Variants in TMPRSS9 observed in about 807,000 individuals in gnomAD.
TMPRSS9 encodes transmembrane protease serine 9.
A neutral mutation model predicts 111.4 loss-of-function variants in TMPRSS9; 113 were observed. The ratio of observed to expected loss-of-function variants is 1.01; its 90% CI spans 0.87 to 1.19. TMPRSS9 has a LOEUF of 1.19. Ranked by LOEUF, TMPRSS9 falls within the 50% of genes most tolerant of loss-of-function variation. The pLI is 0.00. For synonymous variants in TMPRSS9, 805 were observed against 659.1 expected (o/e 1.22, Z -3.39); for missense variants, 1,803 against 1,513.1 (o/e 1.19, Z -3.18).
chr19:2,416,545 G>T, exon 12 of TMPRSS9: 1 of 1,607,982 alleles, frequency 6.2e-7, no homozygotes, highest in Non-Finnish European at 8.5e-7. Flanking sequence ...TAGCACGAAG[G>T]TGGAGCAGGT....
At chr19:2,395,811 T>G (rs1172551111) in intron 1 of TMPRSS9, among the ~76,000 whole-genome samples, 3 of 151,990 alleles carry the variant, frequency 2.0e-5, no homozygotes, top group Non-Finnish European at 4.4e-5. Flanking sequence ...ATAGAGACCA[T>G]CCTGGCTAAC....
At chr19:2,396,789 T>C (rs998893307) in intron 2 of TMPRSS9, 123 bp downstream of exon 3, 40 of 1,377,162 alleles carry the variant, frequency 2.9e-5, no homozygotes, top group Middle Eastern at 5.2e-4. Flanking sequence ...GTGGAGGCTG[T>C]GAGACCGGGA....
intron 10 of TMPRSS9, among the ~76,000 whole-genome samples, chr19:2,415,054 C>A (rs978022110): frequency 4.7e-5 from 7 of 150,400 alleles, no homozygotes; most frequent in Non-Finnish European, 1.0e-4. Context: ...AAGTGATTCT[C>A]CTGCCTCAGC....
intron 1 of TMPRSS9, among the ~76,000 whole-genome samples, chr19:2,378,693 G>T (rs1263635170): frequency 6.6e-6 from 1 of 152,182 alleles, no homozygotes; most frequent in African/African-American, 2.4e-5. Flanking sequence ...ACTCCAGCCT[G>T]GGGGACAGAG....
intron 13 of TMPRSS9, among the ~76,000 whole-genome samples, chr19:2,421,521 T>C (rs1355693563): frequency 6.6e-6 from 1 of 151,988 alleles, no homozygotes; most frequent in African/African-American, 2.4e-5. Flanking sequence ...ACTCCTGACT[T>C]CATCATCTGC....
At chr19:2,390,321 C>T (rs1209294418) in intron 1 of TMPRSS9, among the ~76,000 whole-genome samples, 1 of 131,982 alleles carries the variant, frequency 7.6e-6, no homozygotes, top group South Asian at 2.5e-4. Flanking sequence ...CGGCTCACTG[C>T]AAGCTCCACC....
At chr19:2,394,362 G>A (rs937632515) in intron 1 of TMPRSS9, among the ~76,000 whole-genome samples, 3 of 152,024 alleles carry the variant, frequency 2.0e-5, no homozygotes, top group African/African-American at 7.2e-5. Flanking sequence ...ACTGAAGCCC[G>A]AACAATAGAG....
intron 4 of TMPRSS9, among the ~76,000 whole-genome samples, chr19:2,401,269 G>A (rs927636270): frequency 6.6e-5 from 10 of 151,156 alleles, no homozygotes; most frequent in East Asian, 2.0e-4. Flanking sequence ...GGGAGACTCC[G>A]TCTCAAAAAA....
chr19:2,414,214 G>A, intron 10 of TMPRSS9, 196 bp downstream of exon 11: 2 of 553,588 alleles, frequency 3.6e-6, no homozygotes, highest in Non-Finnish European at 6.1e-6. Context: ...CCCATGTCTT[G>A]TTAACTATGG....
chr19:2,404,040 C>T (rs111477791), intron 6 of TMPRSS9, among the ~76,000 whole-genome samples: 8,790 of 149,328 alleles, frequency 0.059, 272 homozygotes, highest in East Asian at 0.093. Context: ...TGGTGGTGGG[C>T]GCCTGTGGCC....
exon 6 of TMPRSS9, chr19:2,403,156 C>G (rs745478797): frequency 6.2e-7 from 1 of 1,612,172 alleles, no homozygotes; most frequent in Non-Finnish European, 8.5e-7. Context: ...GTGTGACGAC[C>G]AGGAGGACTG....
At chr19:2,404,699 G>A (rs145084524) in intron 6 of TMPRSS9, among the ~76,000 whole-genome samples, 331 of 152,244 alleles carry the variant, frequency 2.2e-3, no homozygotes, top group African/African-American at 7.5e-3. Context: ...GGGACGCCGA[G>A]GCAGGCAGAT....
intron 1 of TMPRSS9, among the ~76,000 whole-genome samples, chr19:2,377,293 ATATG>A (rs1005280037): frequency 9.2e-5 from 6 of 65,122 alleles, no homozygotes; most frequent in African/African-American, 2.0e-4. Flanking sequence ...ATGTATGTAT[ATATG>A]TATGTATGTA....
chr19:2,369,064 G>A (rs1353253527), intron 1 of TMPRSS9, among the ~76,000 whole-genome samples: 1 of 150,918 alleles, frequency 6.6e-6, no homozygotes, highest in African/African-American at 2.4e-5. Flanking sequence ...TGATTCTCCT[G>A]CCTCAGCCTC....
chr19:2,406,073 T>C (rs1455736214), intron 7 of TMPRSS9, among the ~76,000 whole-genome samples: 15 of 116,688 alleles, frequency 1.3e-4, no homozygotes, highest in East Asian at 8.4e-4. Context: ...TGCAGTGGCG[T>C]GATCTCGGCT....
intron 10 of TMPRSS9, among the ~76,000 whole-genome samples, chr19:2,414,532 C>T (rs971101090): frequency 5.9e-5 from 9 of 152,044 alleles, no homozygotes; most frequent in African/African-American, 2.2e-4. Context: ...GCCACCATGC[C>T]CGGTCTGGAA....
intron 5 of TMPRSS9, among the ~76,000 whole-genome samples, chr19:2,402,627 A>G (rs1159496078): frequency 6.6e-6 from 1 of 151,802 alleles, no homozygotes; most frequent in Non-Finnish European, 1.5e-5. Context: ...AATCCCAGCT[A>G]CTCAGGAGGC....
At chr19:2,379,638 T>TTTCTTTCC (rs1970368465) in intron 1 of TMPRSS9, among the ~76,000 whole-genome samples, 1 of 147,774 alleles carries the variant, frequency 6.8e-6, no homozygotes, top group Non-Finnish European at 1.5e-5. Flanking sequence ...TCTTTCTTTC[T>TTTCTTTCC]TTCTTTCTTT....
rs1365307901 is a variant in TMPRSS9 at position 2,368,803 on chromosome 19, A to ATTTTTTTTG, written c.-26+8443_-26+8444insTTTTTTTTG. ...TTTTTTTTTTTTTTTTTTTTTTTTA[A>ATTTTTTTTG]AGACAGAGTCTCACTCTGTCGCCCA... is the stretch of plus-strand genomic sequence containing the variant. On this transcript the variant is annotated intron_variant, in intron 1 of 17. Transcript: ENST00000649857. 7.5e-5 allele frequency among the ~76,000 whole-genome samples: 2 copies of ATTTTTTTTG among 26,726 alleles called. 1 individual carries two copies. The highest frequency in any genetic ancestry group is 8.5e-4 in the African/African-American group (2 of 2,358). 17.5% of individuals were successfully genotyped at this position (26,726 alleles called of 152,430 possible).
Sources: allele counts gnomAD v4.1 joint callset (sites outside exome capture counted in the v4.1 genomes callset), GRCh38; gene constraint gnomAD v4.1.1; transcripts MANE v1.5; gene names NCBI Gene and HGNC (gene_info 2026-07-23, HGNC 2026-07-21).